The following BCAR3 variants were observed in gnomAD, a reference collection of about 807,000 sequenced individuals.
BCAR3 encodes BCAR3 adaptor protein, NSP family member.
In BCAR3, 37 loss-of-function variants were observed where a neutral mutation model predicts 80.1. The ratio of observed to expected loss-of-function variants is 0.46; its 90% confidence interval spans 0.36 to 0.61. The LOEUF (loss-of-function observed/expected upper bound fraction) is 0.61. BCAR3 is among the 20% of genes least tolerant of loss of function. The pLI, the probability that BCAR3 is intolerant of heterozygous loss-of-function variation, is 0.00. For missense variants in BCAR3, 978 were observed against 1,068.2 expected (o/e 0.92, Z 1.18); for synonymous variants, 389 against 418.9 (o/e 0.93, Z 0.87).
intron 7 of BCAR3, among the ~76,000 whole-genome samples, chr1:93,580,067 AC>A (rs1673636668): frequency 6.6e-6 from 1 of 152,120 alleles, no homozygotes. Context: ...GCAGAAGTCC[AC>A]CCTCAGCCCC....
At chr1:93,784,689 T>TA (rs1237458098) in intron 2 of BCAR3, among the ~76,000 whole-genome samples, 3 of 152,226 alleles carry the variant, frequency 2.0e-5, no homozygotes, top group Non-Finnish European at 2.9e-5. Context: ...AATCAACACT[T>TA]AGAGTTATCT....
At chr1:93,722,592 C>A (rs952240563) in intron 2 of BCAR3, among the ~76,000 whole-genome samples, 2 of 152,146 alleles carry the variant, frequency 1.3e-5, no homozygotes, top group African/African-American at 4.8e-5. Flanking sequence ...AACTTGCTTT[C>A]ACACGAGACG....
At chr1:93,630,855 A>T (rs1158041437) in intron 3 of BCAR3, among the ~76,000 whole-genome samples, 1 of 152,134 alleles carries the variant, frequency 6.6e-6, no homozygotes, top group Non-Finnish European at 1.5e-5. Context: ...TCACTGTTTA[A>T]TCCCCGATCT....
chr1:93,746,171 C>T (rs1651351080), intron 2 of BCAR3, among the ~76,000 whole-genome samples: 1 of 152,212 alleles, frequency 6.6e-6, no homozygotes, highest in Non-Finnish European at 1.5e-5. Context: ...ATGTCAAGAG[C>T]ATCTAACTTG....
At chr1:93,729,188 T>C (rs1248927829) in intron 2 of BCAR3, among the ~76,000 whole-genome samples, 1 of 152,204 alleles carries the variant, frequency 6.6e-6, no homozygotes, top group Non-Finnish European at 1.5e-5. Flanking sequence ...TGGGGTTATG[T>C]CCCTATAAAC....
chr1:93,633,119 C>A (rs1570989327), intron 3 of BCAR3, among the ~76,000 whole-genome samples: 1 of 152,150 alleles, frequency 6.6e-6, no homozygotes, highest in South Asian at 2.1e-4. Context: ...AGTTTGCTGA[C>A]CCCTTGGTCT....
chr1:93,827,913 TTCTC>T (rs1447632474), intron 2 of BCAR3, among the ~76,000 whole-genome samples: 1 of 152,158 alleles, frequency 6.6e-6, no homozygotes, highest in Non-Finnish European at 1.5e-5. Context: ...CAGTAGCAAG[TTCTC>T]TCTGACCTTC....
chr1:93,576,716 C>T lies in BCAR3; in HGVS notation c.1687-587G>A, dbSNP rs1673474860. Among the ~76,000 whole-genome samples, 3 of 152,230 alleles carry T rather than the reference C, an allele frequency of 2.0e-5. No homozygotes were observed. The South Asian group carries it at 6.2e-4, about 32-fold the overall frequency. On this transcript the variant is annotated intron_variant, in intron 7 of 11. Coordinates refer to ENST00000260502, the MANE Select transcript of BCAR3 (RefSeq NM_003567.4). ...TGAGCTCTCAAACACTCTTCTTTCT[C>T]CTGAGAGGCTTTTCTTAAAATCTTT...
chr1:93,702,613 A>G (rs1649685145), intron 3 of BCAR3, among the ~76,000 whole-genome samples: 1 of 152,166 alleles, frequency 6.6e-6, no homozygotes. Context: ...TGCTCCAGTC[A>G]CAGAGCTCTC....
At chr1:93,632,392 T>C (rs1037118828) in intron 3 of BCAR3, among the ~76,000 whole-genome samples, 1 of 152,210 alleles carries the variant, frequency 6.6e-6, no homozygotes, top group Non-Finnish European at 1.5e-5. Flanking sequence ...TGAAGTGATA[T>C]ATATTCAGTA....
intron 3 of BCAR3, among the ~76,000 whole-genome samples, chr1:93,606,660 G>C (rs1263463587): frequency 6.6e-6 from 1 of 152,158 alleles, no homozygotes; most frequent in Non-Finnish European, 1.5e-5. Context: ...TGACTGGAGA[G>C]CCTATCTGGA....
intron 1 of BCAR3, among the ~76,000 whole-genome samples, chr1:93,678,573 A>G (rs1648600977): frequency 2.0e-5 from 3 of 152,244 alleles, no homozygotes; most frequent in Admixed American, 2.0e-4. Flanking sequence ...GGCTAAGGAT[A>G]TAATAAATTA....
At chr1:93,830,364 T>C (rs1654516083) in intron 2 of BCAR3, among the ~76,000 whole-genome samples, 1 of 152,174 alleles carries the variant, frequency 6.6e-6, no homozygotes, top group Non-Finnish European at 1.5e-5. Context: ...CAAGCCTGCA[T>C]GTATACATCC....
chr1:93,622,352 A>G lies in BCAR3; in HGVS notation c.357+19952T>C, dbSNP rs545593265. 6.5e-4 allele frequency among the ~76,000 whole-genome samples: 99 copies of G among 152,356 alleles called. 1 individual carries two copies. Among genetic ancestry groups the G allele is most frequent in the African/African-American group, 2.2e-3 (93 of 41,592 alleles). On this transcript the variant is annotated intron_variant, in intron 3 of 11. Coordinates refer to ENST00000260502, the MANE Select transcript of BCAR3 (RefSeq NM_003567.4). ...ACAACGAATCAGAATGGCTGGCTCT[A>G]TCTGGTGTGATGAGGGAAGCACGGA...
intron 2 of BCAR3, 43 bp downstream of exon 2, chr1:93,674,571 G>A (rs1490428280): frequency 1.9e-6 from 3 of 1,599,682 alleles, no homozygotes; most frequent in Non-Finnish European, 2.6e-6. Context: ...TTAAAAAGCT[G>A]TTTAAGACAA....
At chr1:93,741,727 C>T (rs1011685796) in intron 2 of BCAR3, among the ~76,000 whole-genome samples, 15 of 152,096 alleles carry the variant, frequency 9.9e-5, no homozygotes, top group African/African-American at 3.6e-4. Context: ...CACCACCACA[C>T]CCAGCTAATT....
intron 2 of BCAR3, among the ~76,000 whole-genome samples, chr1:93,761,569 A>C (rs938448439): frequency 1.3e-5 from 2 of 152,246 alleles, no homozygotes; most frequent in Admixed American, 1.3e-4. Flanking sequence ...GTGACCCAGA[A>C]AGGCTTGGAG....
At chr1:93,585,111 G>A in intron 5 of BCAR3, 3 of 985,392 alleles carry the variant, frequency 3.0e-6, no homozygotes, top group Non-Finnish European at 3.6e-6. Flanking sequence ...TGATATTTAA[G>A]CAGTGACCAC....
chr1:93,789,752 CTGGAA>C lies in BCAR3; in HGVS notation c.-63+55810_-63+55814del, dbSNP rs1389164817. ...GATGCAGAGGCTCCTATTTTTCCTTCTGGAATGCCAAAGCCCCTTGTTTTATGCTA... is the reference window on the plus strand; with the variant it reads ...GATGCAGAGGCTCCTATTTTTCCTTCTGCCAAAGCCCCTTGTTTTATGCTA... On this transcript the variant is annotated intron_variant, in intron 2 of 13. Coordinates refer to the BCAR3 transcript ENST00000370244. 7.2e-5 allele frequency among the ~76,000 whole-genome samples: 11 copies of C among 152,318 alleles called. No individual in the cohort carries two copies. The East Asian group carries it at 2.1e-3, about 29-fold the overall frequency.
Sources: gnomAD v4.1 joint callset for allele counts (sites outside exome capture counted in the v4.1 genomes callset) on GRCh38, gnomAD v4.1.1 for gene constraint, MANE v1.5 for transcripts, NCBI Gene and HGNC (gene_info 2026-07-23, HGNC 2026-07-21) for gene names.